The following ABCA12 variants were observed in gnomAD, a reference collection of about 807,000 sequenced individuals.
The protein encoded by ABCA12 is glucosylceramide transporter ABCA12.
ABCA12 carries 156 observed loss-of-function variants against 293.5 expected under a neutral mutation model. The observed-to-expected ratio is 0.53, with a 90% CI of 0.47 to 0.61. The LOEUF is 0.61. Among genes scored for constraint, ABCA12 ranks in the 20% least tolerant of loss-of-function variants. The probability of loss-of-function intolerance (pLI) is 0.00; values close to 1 mark genes in which losing one functional copy is unlikely to be tolerated. For synonymous variants in ABCA12, 1,063 were observed against 1,108.0 expected, an observed-to-expected ratio of 0.96 and a Z score of 0.81; for missense variants, 2,797 against 3,090.2, an observed-to-expected ratio of 0.91 and a Z score of 2.25.
chr2:215,094,169 G>C (rs1323366443), intron 2 of ABCA12, among the ~76,000 whole-genome samples: 1 of 152,134 alleles, frequency 6.6e-6, no homozygotes, highest in Non-Finnish European at 1.5e-5. Context: ...CCACCATGCT[G>C]TTACATGGGC....
chr2:215,097,542 G>A (rs764488472), intron 2 of ABCA12, among the ~76,000 whole-genome samples: 12 of 152,096 alleles, frequency 7.9e-5, no homozygotes, highest in Non-Finnish European at 1.0e-4. Context: ...GTGCACAGCT[G>A]GGTGCTAGAA....
intron 2 of ABCA12, among the ~76,000 whole-genome samples, chr2:215,089,827 T>A (rs535553365): frequency 7.2e-5 from 11 of 152,320 alleles, no homozygotes; most frequent in African/African-American, 2.4e-4. Context: ...CTAGACCAGT[T>A]TTTTAAAGCA....
In ABCA12 at chr2:214,976,009, C is replaced by T. The variant is rs1240361992; in HGVS notation, c.5157G>A (p.Leu1719=). The T allele has an allele frequency of 6.2e-7, 1 of 1,614,020 alleles. No individual in the cohort carries two copies. Among genetic ancestry groups the T allele is most frequent in the East Asian group, 2.2e-5 (1 of 44,862 alleles). The change falls in exon 34 of 53, where the codon CTG becomes CTA. Residue 1719 remains leucine (L), a synonymous_variant. Transcript: ENST00000272895. ...DDKILTRGER[L]DGFGLLLKKI... ...TCTTCAGCAACAGTCCAAAGCCATC[C>T]AGCCTCTCTCCTCTTGTCAGGATTT... is the stretch of plus-strand genomic sequence containing the variant.
intron 11 of ABCA12, among the ~76,000 whole-genome samples, chr2:215,020,077 A>C (rs1363050810): frequency 6.6e-6 from 1 of 152,182 alleles, no homozygotes; most frequent in East Asian, 1.9e-4. Context: ...TATCCAGCTT[A>C]ACTCACAAAT....
chr2:215,046,067 T>A, intron 6 of ABCA12, 52 bp from the exon 7 acceptor site: 1 of 1,571,072 alleles, frequency 6.4e-7, no homozygotes, highest in South Asian at 1.1e-5. Context: ...ACATTTGTAA[T>A]CACATGGTTT....
chr2:214,955,852 A>G (rs1250607327), intron 42 of ABCA12, among the ~76,000 whole-genome samples: 1 of 152,212 alleles, frequency 6.6e-6, no homozygotes, highest in Non-Finnish European at 1.5e-5. Flanking sequence ...AGAAACCTTG[A>G]GTAGTTCTAC....
chr2:215,137,067 A>T (rs1703245508), intron 1 of ABCA12, among the ~76,000 whole-genome samples: 1 of 152,078 alleles, frequency 6.6e-6, no homozygotes, highest in Admixed American at 6.5e-5. Context: ...AAACAAATAA[A>T]AACATGAATG....
chr2:215,125,977 C>T (rs1300913224), intron 1 of ABCA12, among the ~76,000 whole-genome samples: 2 of 152,042 alleles, frequency 1.3e-5, no homozygotes, highest in Non-Finnish European at 1.5e-5. Flanking sequence ...CCTTGTATGC[C>T]GATTTTGCCA....
intron 50 of ABCA12, among the ~76,000 whole-genome samples, chr2:214,939,162 G>A (rs1053210414): frequency 6.6e-6 from 1 of 152,170 alleles, no homozygotes; most frequent in East Asian, 1.9e-4. Context: ...AAGGGGTCCA[G>A]TTTCGGTTTT....
intron 1 of ABCA12, among the ~76,000 whole-genome samples, chr2:215,116,769 G>A (rs909009454): frequency 2.0e-5 from 3 of 152,136 alleles, no homozygotes; most frequent in African/African-American, 7.2e-5. Context: ...CATAATTTCT[G>A]TGACATTCTT....
Position 215,138,450 on chromosome 2 carries a change from C to A in ABCA12, c.-242G>T. 1.8e-6 allele frequency: 1 copy of A among 554,762 alleles called. No homozygotes were observed. The highest frequency in any genetic ancestry group is 2.0e-5 in the South Asian group (1 of 49,370). The allele number at this position is 554,762 out of a possible 1,614,324, so 34.4% of individuals were successfully genotyped here. ...CTTCTTCCAAAAGAAGGACCCAGAT[C>A]AGTATCTTTGGGTGGCTTATGCTTA... On this transcript the variant is annotated 5_prime_UTR_variant, in exon 1 of 53. Transcript: ENST00000272895.
chr2:214,953,960 A>G lies in ABCA12; in HGVS notation c.6541T>C (p.Phe2181Leu). ...ATTGCACCTAGTTTATTCATCTCAA[A>G]GGTTTCATTTGGGTATTCCACTCCA... Reference protein sequence around the residue: ...AYGVEYPNETFEMNKLGAMFV... With the variant: ...AYGVEYPNETLEMNKLGAMFV... The change falls in exon 44 of 53, where the codon TTT becomes CTT. Residue 2181 changes from phenylalanine to leucine, a missense_variant. Transcript: ENST00000272895. 1.2e-6 allele frequency: 2 copies of G among 1,614,132 alleles called. No individual in the cohort carries two copies. The highest frequency in any genetic ancestry group is 8.5e-7 in the Non-Finnish European group (1 of 1,179,988).
At chr2:215,104,378 G>A (rs1702419996) in intron 2 of ABCA12, among the ~76,000 whole-genome samples, 1 of 152,200 alleles carries the variant, frequency 6.6e-6, no homozygotes, top group African/African-American at 2.4e-5. Flanking sequence ...CATCGTGTTA[G>A]CTGGCATTAG....
intron 33 of ABCA12, among the ~76,000 whole-genome samples, chr2:214,976,499 T>C (rs1223543374): frequency 6.6e-6 from 1 of 152,166 alleles, no homozygotes; most frequent in African/African-American, 2.4e-5. Flanking sequence ...TTTGTTCCTA[T>C]TGTGAGTAAC....
chr2:215,037,200 A>G (rs941821671), intron 7 of ABCA12, 135 bp from the exon 8 acceptor site: 21 of 712,998 alleles, frequency 2.9e-5, no homozygotes, highest in Middle Eastern at 3.4e-4. Context: ...ACTTTTTGTA[A>G]TTTAATTACT....
In ABCA12 at chr2:215,031,999, C is replaced by A. The variant is rs1700889137; in HGVS notation, c.986-103G>T. The A allele has an allele frequency of 1.9e-6, 3 of 1,580,794 alleles. No individual in the cohort carries two copies. In the East Asian group the frequency reaches 6.8e-5, roughly 36 times the overall value. On this transcript the variant is annotated intron_variant, in intron 8 of 52. Transcript: ENST00000272895. ...AGGTCAAATTAATGAGGAGAAAATG[C>A]AGAAATCTGCAGAATCATTCTCAAA...
At chr2:214,963,563 A>G (rs1191963460) in intron 39 of ABCA12, among the ~76,000 whole-genome samples, 4 of 144,804 alleles carry the variant, frequency 2.8e-5, no homozygotes, top group Non-Finnish European at 6.0e-5. Flanking sequence ...AACTAATTCT[A>G]TGAGGCCAGC....
chr2:215,051,442 G>A (rs889338555), intron 5 of ABCA12, among the ~76,000 whole-genome samples: 1 of 152,050 alleles, frequency 6.6e-6, no homozygotes, highest in Non-Finnish European at 1.5e-5. Flanking sequence ...TCAGTTTATT[G>A]AAATGCCTCA....
intron 2 of ABCA12, among the ~76,000 whole-genome samples, chr2:215,072,774 C>T (rs1183970958): frequency 6.6e-6 from 1 of 152,194 alleles, no homozygotes; most frequent in African/African-American, 2.4e-5. Context: ...CTCACTCATA[C>T]TTTCAAAACA....
Sources: gnomAD v4.1 joint callset for allele counts (sites outside exome capture counted in the v4.1 genomes callset) on GRCh38, gnomAD v4.1.1 for gene constraint, MANE v1.5 for transcripts, NCBI Gene and HGNC (gene_info 2026-07-23, HGNC 2026-07-21) for gene names.